Variants in TBC1D19 observed in about 807,000 individuals in gnomAD.
The protein encoded by TBC1D19 is TBC1 domain family member 19.
A neutral mutation model predicts 89.0 loss-of-function variants in TBC1D19; 60 were observed. The observed-to-expected ratio is 0.67, with a 90% CI of 0.55 to 0.84. The LOEUF (loss-of-function observed/expected upper bound fraction) is 0.84. Ranked by LOEUF, TBC1D19 falls within the 40% of genes least tolerant of loss-of-function variation. TBC1D19 has a pLI of 0.00. For synonymous variants in TBC1D19, 189 were observed against 199.7 expected, an observed-to-expected ratio of 0.95 and a Z score of 0.45; for missense variants, 500 against 610.8, an observed-to-expected ratio of 0.82 and a Z score of 1.91.
chr4:26,766,358 C>G, the TBC1D19 span, among the ~76,000 whole-genome samples: 1 of 152,174 alleles, frequency 6.6e-6, no homozygotes, highest in Non-Finnish European at 1.5e-5. Context: ...CAACAGAAGG[C>G]CAACCCAGCG....
the TBC1D19 span, among the ~76,000 whole-genome samples, chr4:26,782,149 C>T: frequency 0.96 from 146,768 of 152,290 alleles, 70,938 homozygotes; most frequent in East Asian, 1. Context: ...TTTATCACCC[C>T]GCAGAGGCAG....
intron 13 of TBC1D19, among the ~76,000 whole-genome samples, chr4:26,706,968 T>C (rs1715785106): frequency 6.6e-6 from 1 of 152,092 alleles, no homozygotes; most frequent in South Asian, 2.1e-4. Flanking sequence ...CTGGAAAATG[T>C]CCCATGTGCA....
At chr4:26,740,752 A>T in intron 17 of TBC1D19, 1 of 985,298 alleles carries the variant, frequency 1.0e-6, no homozygotes, top group Non-Finnish European at 1.2e-6. Context: ...TTCAATTGGA[A>T]TATATGTCAG....
At position 26,590,796 on chromosome 4, in the gene TBC1D19, G is replaced by GTTTTTTTTTTTTGTTTTTTTT. The variant is rs1739724314; in HGVS notation, c.99+6516_99+6517insGTTTTTTTTTTTTTTTTTTTT. Among the ~76,000 whole-genome samples the GTTTTTTTTTTTTGTTTTTTTT allele has an allele frequency of 7.6e-5, 4 of 52,958 alleles. 1 individual carries two copies. The highest frequency in any genetic ancestry group is 1.3e-4 in the Non-Finnish European group (4 of 31,794). 34.7% of individuals were successfully genotyped at this position (52,958 alleles called of 152,430 possible). A position where few individuals can be genotyped will look rare whatever the true frequency, so the allele number is the denominator to read the frequency against. ...GGTTCACTCTTTGTCTTGCAGGTCT[G>GTTTTTTTTTTTTGTTTTTTTT]TTTTTTTTTTTTTTTTTTTTTTTTT... is the stretch of plus-strand genomic sequence containing the variant. On this transcript the variant is annotated intron_variant, in intron 1 of 20. Coordinates refer to ENST00000264866, the MANE Select transcript of TBC1D19 (RefSeq NM_018317.4).
intron 4 of TBC1D19, among the ~76,000 whole-genome samples, chr4:26,628,463 C>G (rs1223404014): frequency 6.6e-6 from 1 of 151,874 alleles, no homozygotes; most frequent in African/African-American, 2.4e-5. Flanking sequence ...CAGGGATGCC[C>G]TCTCTCACCA....
At chr4:26,810,809 G>A in the TBC1D19 span, among the ~76,000 whole-genome samples, 21 of 152,270 alleles carry the variant, frequency 1.4e-4, no homozygotes, top group East Asian at 3.9e-3. Flanking sequence ...GTTCCAGAAT[G>A]CAGGAACTCT....
chr4:26,779,118 A>G, the TBC1D19 span, among the ~76,000 whole-genome samples: 1 of 152,184 alleles, frequency 6.6e-6, no homozygotes, highest in African/African-American at 2.4e-5. Context: ...CAGTAGATCT[A>G]GTTTGGGGCC....
At chr4:26,639,575 C>G (rs1339714141) in intron 6 of TBC1D19, among the ~76,000 whole-genome samples, 2 of 152,024 alleles carry the variant, frequency 1.3e-5, no homozygotes, top group African/African-American at 4.8e-5. Context: ...TATTTAAAAT[C>G]TAGTCAATTT....
chr4:26,665,906 C>G (rs1212857455), intron 8 of TBC1D19, among the ~76,000 whole-genome samples: 4 of 151,924 alleles, frequency 2.6e-5, no homozygotes, highest in African/African-American at 9.7e-5. Flanking sequence ...GAAAACAGTT[C>G]TTTTAAACAA....
At position 26,740,691 on chromosome 4, in the gene TBC1D19, T is replaced by C. The variant is rs1377976219; in HGVS notation, c.1227+718T>C. On this transcript the variant is annotated intron_variant, in intron 17 of 20. Coordinates refer to ENST00000264866, the MANE Select transcript of TBC1D19 (RefSeq NM_018317.4). ...TATTTTATTTCAGTTATGCTTTTTTTCCCCCTTTGGACCTGCTGTGGGTAA... is the reference window on the plus strand; with the variant it reads ...TATTTTATTTCAGTTATGCTTTTTTCCCCCCTTTGGACCTGCTGTGGGTAA... 6.1e-6 allele frequency: 6 copies of C among 985,348 alleles called. No individual in the cohort carries two copies. The South Asian group carries it at 2.8e-4, about 46-fold the overall frequency. 61.0% of individuals were successfully genotyped at this position (985,348 alleles called of 1,614,324 possible).
downstream of TBC1D19, among the ~76,000 whole-genome samples, chr4:26,756,908 G>C (rs1719286603): frequency 6.6e-6 from 1 of 152,186 alleles, no homozygotes; most frequent in Non-Finnish European, 1.5e-5. Context: ...GCCAGACCTG[G>C]TTGACAACCA....
intron 3 of TBC1D19, 28 bp from the exon 4 acceptor site, chr4:26,620,585 A>T: frequency 6.3e-7 from 1 of 1,598,608 alleles, no homozygotes; most frequent in South Asian, 1.1e-5. Flanking sequence ...ATAATGTGTG[A>T]TATTTAGCTG....
At chr4:26,654,016 T>G (rs556392338) in intron 7 of TBC1D19, among the ~76,000 whole-genome samples, 1 of 152,194 alleles carries the variant, frequency 6.6e-6, no homozygotes, top group East Asian at 1.9e-4. Context: ...TGGTACCGGT[T>G]ATTCCTTTCC....
chr4:26,661,519 G>C (rs1745221268), intron 8 of TBC1D19, among the ~76,000 whole-genome samples: 1 of 151,996 alleles, frequency 6.6e-6, no homozygotes, highest in African/African-American at 2.4e-5. Flanking sequence ...TTCTAAATCG[G>C]AACGACCAAC....
chr4:26,811,848 G>A, the TBC1D19 span, among the ~76,000 whole-genome samples: 1 of 152,310 alleles, frequency 6.6e-6, no homozygotes, highest in African/African-American at 2.4e-5. Flanking sequence ...CACTCTTGTT[G>A]CCATCTTGGT....
At chr4:26,651,880 A>G (rs946961188) in intron 7 of TBC1D19, among the ~76,000 whole-genome samples, 1 of 152,128 alleles carries the variant, frequency 6.6e-6, no homozygotes, top group Non-Finnish European at 1.5e-5. Context: ...ATTTTGAGAT[A>G]TGTCCCATCA....
intron 1 of TBC1D19, among the ~76,000 whole-genome samples, chr4:26,596,496 G>A (rs528460412): frequency 1.8e-4 from 27 of 151,686 alleles, no homozygotes; most frequent in Non-Finnish European, 3.5e-4. Context: ...GTGAGAGAGA[G>A]TGTGTTTGAA....
intron 20 of TBC1D19, 71 bp downstream of exon 20, chr4:26,753,961 C>CT (rs1262868262): frequency 6.5e-7 from 1 of 1,549,424 alleles, no homozygotes; most frequent in African/African-American, 1.4e-5. Context: ...ATTTTAGTGT[C>CT]TGTTGCATAG....
chr4:26,589,413 G>C (rs1560399166), intron 1 of TBC1D19, among the ~76,000 whole-genome samples: 1 of 152,156 alleles, frequency 6.6e-6, no homozygotes, highest in Admixed American at 6.5e-5. Context: ...CTGTCTCCTT[G>C]CCTGTTCCTC....
Sources: gnomAD v4.1 joint callset for allele counts (sites outside exome capture counted in the v4.1 genomes callset) on GRCh38, gnomAD v4.1.1 for gene constraint, MANE v1.5 for transcripts, NCBI Gene and HGNC (gene_info 2026-07-23, HGNC 2026-07-21) for gene names.